Variants in RASA1 observed in about 807,000 individuals in gnomAD.
The protein encoded by RASA1 is RAS p21 protein activator 1.
In RASA1, 25 loss-of-function variants were observed where a neutral mutation model predicts 132.2. The observed-to-expected ratio is 0.19, with a 90% CI of 0.14 to 0.26. The LOEUF (loss-of-function observed/expected upper bound fraction) is 0.26, where lower values mean the gene tolerates loss of function less well. Ranked by LOEUF, RASA1 falls within the 10% of genes least tolerant of loss-of-function variation. The pLI is 1.00. For synonymous variants in RASA1, 477 were observed against 449.9 expected, an observed-to-expected ratio of 1.06 and a Z score of -0.76; for missense variants, 964 against 1,299.2, an observed-to-expected ratio of 0.74 and a Z score of 3.97.
At chr5:87,389,331 C>CA (rs1443971696) in intron 23 of RASA1, 62 bp from the exon 24 acceptor site, 166 of 1,587,936 alleles carry the variant, frequency 1.0e-4, no homozygotes, top group Middle Eastern at 3.4e-4. Flanking sequence ...AACTCTGTCT[C>CA]AAAAAAAACA....
intron 6 of RASA1, among the ~76,000 whole-genome samples, chr5:87,344,023 A>T (rs1348016280): frequency 6.6e-6 from 1 of 152,104 alleles, no homozygotes; most frequent in African/African-American, 2.4e-5. Context: ...TAGAAAATTA[A>T]CTCAGGGAGA....
At chr5:87,288,405 T>C (rs1212421910) in intron 1 of RASA1, among the ~76,000 whole-genome samples, 2 of 152,090 alleles carry the variant, frequency 1.3e-5, no homozygotes, top group Non-Finnish European at 2.9e-5. Flanking sequence ...GAAAGAATTG[T>C]TTTCTCAGAG....
chr5:87,342,024 T>C (rs766827107), intron 6 of RASA1, among the ~76,000 whole-genome samples: 3 of 152,174 alleles, frequency 2.0e-5, no homozygotes, highest in Non-Finnish European at 2.9e-5. Flanking sequence ...ATGTAAGATA[T>C]ATTCTGAGTT....
intron 1 of RASA1, chr5:87,269,307 T>A (rs1358733329): frequency 2.0e-6 from 3 of 1,535,822 alleles, no homozygotes; most frequent in South Asian, 2.4e-5. Flanking sequence ...CAGAATTTAG[T>A]CAAACTGCGG....
intron 1 of RASA1, among the ~76,000 whole-genome samples, chr5:87,303,028 T>C (rs1290775576): frequency 6.6e-6 from 1 of 152,170 alleles, no homozygotes; most frequent in Non-Finnish European, 1.5e-5. Flanking sequence ...TTAAAAACAA[T>C]GTCCATATCT....
chr5:87,353,079 C>A, intron 8 of RASA1, 78 bp from the exon 9 acceptor site: 1 of 1,166,016 alleles, frequency 8.6e-7, no homozygotes, highest in Non-Finnish European at 1.3e-6. Context: ...TAATCCTTGG[C>A]AAGAAAGTTT....
At chr5:87,287,115 C>CAT (rs969944096) in intron 1 of RASA1, among the ~76,000 whole-genome samples, 1 of 136,744 alleles carries the variant, frequency 7.3e-6, no homozygotes, top group Non-Finnish European at 1.6e-5. Flanking sequence ...ATATACACAC[C>CAT]ATATATATAC....
chr5:87,285,560 C>T (rs1309004356), intron 1 of RASA1, among the ~76,000 whole-genome samples: 1 of 146,740 alleles, frequency 6.8e-6, no homozygotes, highest in African/African-American at 2.5e-5. Context: ...CAATTCTCTT[C>T]TTAACTTTTT....
chr5:87,286,148 C>T (rs1013635432), intron 1 of RASA1, among the ~76,000 whole-genome samples: 3 of 152,012 alleles, frequency 2.0e-5, no homozygotes, highest in Non-Finnish European at 2.9e-5. Context: ...ATTACAGGTG[C>T]GTGCCACCAC....
intron 9 of RASA1, among the ~76,000 whole-genome samples, chr5:87,354,281 A>G (rs1212310024): frequency 6.6e-6 from 1 of 152,028 alleles, no homozygotes; most frequent in Non-Finnish European, 1.5e-5. Context: ...TTTTTTTACA[A>G]ATTGAAGGTT....
In RASA1 at chr5:87,363,501, G is replaced by A. The variant is rs770457251; in HGVS notation, c.1607G>A (p.Gly536Asp). Residue 536 changes from glycine to aspartate, a missense_variant, in exon 11 of 25, where the codon GGC becomes GAC. Coordinates refer to ENST00000274376, the MANE Select transcript of RASA1 (RefSeq NM_002890.3). ...TATGTCGTTCATGATAGTCTCTTTG[G>A]CAGGTAAGAGACTGGTTTCCTATTT... ...SVYVVHDSLF[G>D]RPNCFQIVVQ... 6.2e-7 allele frequency: 1 copy of A among 1,610,466 alleles called. No individual in the cohort carries two copies. The highest frequency in any genetic ancestry group is 8.5e-7 in the Non-Finnish European group (1 of 1,177,196).
intron 1 of RASA1, among the ~76,000 whole-genome samples, chr5:87,285,558 T>G (rs1311157272): frequency 3.3e-5 from 5 of 151,066 alleles, no homozygotes; most frequent in Non-Finnish European, 7.4e-5. Flanking sequence ...TGCAATTCTC[T>G]TCTTAACTTT....
chr5:87,286,429 C>A (rs1468839688), intron 1 of RASA1, among the ~76,000 whole-genome samples: 3 of 151,548 alleles, frequency 2.0e-5, no homozygotes, highest in Admixed American at 1.3e-4. Context: ...TTAACTTCAA[C>A]CCAAGTAAAA....
chr5:87,338,535 A>ATTTTTT lies in RASA1; in HGVS notation c.1017+444_1017+445insTTTTTT, dbSNP rs1561292521. On this transcript the variant is annotated intron_variant, in intron 5 of 24. Coordinates refer to ENST00000274376, the MANE Select transcript of RASA1 (RefSeq NM_002890.3). The stretch of plus-strand genomic sequence containing the variant: ...TATATATATATATATATATATATAA[A>ATTTTTT]ATTTTTTTTTTTTTTAAGTAGAAAT... 4.0e-4 allele frequency among the ~76,000 whole-genome samples: 38 copies of ATTTTTT among 95,892 alleles called. 1 individual carries two copies. Among genetic ancestry groups the ATTTTTT allele is most frequent in the African/African-American group, 1.6e-3 (33 of 20,938 alleles). The allele number at this position is 95,892 out of a possible 152,430, so 62.9% of individuals were successfully genotyped here.
intron 1 of RASA1, among the ~76,000 whole-genome samples, chr5:87,329,938 C>G (rs955150002): frequency 1.3e-5 from 2 of 152,052 alleles, no homozygotes; most frequent in African/African-American, 2.4e-5. Flanking sequence ...TTAAAAAGTC[C>G]CTGAGCTCTT....
intron 1 of RASA1, among the ~76,000 whole-genome samples, chr5:87,316,970 C>A (rs1366978808): frequency 6.6e-6 from 1 of 151,872 alleles, no homozygotes; most frequent in African/African-American, 2.4e-5. Flanking sequence ...GCAACCTCTA[C>A]CTCCTGGATT....
intron 1 of RASA1, among the ~76,000 whole-genome samples, chr5:87,303,792 G>C (rs1177336943): frequency 6.7e-6 from 1 of 149,620 alleles, no homozygotes; most frequent in African/African-American, 2.5e-5. Flanking sequence ...CTAATGAATT[G>C]ATTACTGTAT....
intron 4 of RASA1, 128 bp downstream of exon 4, chr5:87,333,465 T>TA: frequency 7.1e-7 from 1 of 1,416,060 alleles, no homozygotes; most frequent in Non-Finnish European, 9.5e-7. Context: ...GAGCTTTTGA[T>TA]ATTGGGTCTG....
chr5:87,361,521 G>GT (rs1760088558), intron 9 of RASA1, among the ~76,000 whole-genome samples: 1 of 152,106 alleles, frequency 6.6e-6, no homozygotes, highest in African/African-American at 2.4e-5. Flanking sequence ...TTGCAAAATA[G>GT]TAAGAACTAC....
Sources: allele counts gnomAD v4.1 joint callset (sites outside exome capture counted in the v4.1 genomes callset), GRCh38; gene constraint gnomAD v4.1.1; transcripts MANE v1.5; gene names NCBI Gene and HGNC (gene_info 2026-07-23, HGNC 2026-07-21).